The following RAB3B variants were observed in gnomAD, a reference collection of about 807,000 sequenced individuals.
RAB3B encodes the protein ras-related protein Rab-3B.
Under a neutral mutation model 20.5 loss-of-function variants are expected in RAB3B, and 11 were observed. The observed-to-expected ratio is 0.54, with a 90% CI of 0.34 to 0.89. The LOEUF (loss-of-function observed/expected upper bound fraction) is 0.89, where lower values mean the gene tolerates loss of function less well. Ranked by LOEUF, RAB3B falls within the 40% of genes least tolerant of loss-of-function variation. The probability of loss-of-function intolerance (pLI) is 0.02; values close to 1 mark genes in which losing one functional copy is unlikely to be tolerated. For missense variants in RAB3B, 225 were observed against 280.9 expected (o/e 0.80, Z 1.42); for synonymous variants, 99 against 106.3 (o/e 0.93, Z 0.42).
chr1:51,933,450 G>T lies in RAB3B; in HGVS notation c.348-8C>A. The T allele has an allele frequency of 6.2e-7, 1 of 1,606,080 alleles. No homozygotes were observed. The highest frequency in any genetic ancestry group is 8.5e-7 in the Non-Finnish European group (1 of 1,173,946). Reference sequence around the variant, plus strand: ...GTCTTGATCTGAGTAGCCCTAAAATGAGATAGAAAGAGATATGTTAATCAT... The same window carrying T: ...GTCTTGATCTGAGTAGCCCTAAAATTAGATAGAAAGAGATATGTTAATCAT... On this transcript the variant is annotated splice_polypyrimidine_tract_variant and splice_region_variant and intron_variant, in intron 3 of 4. Coordinates refer to ENST00000371655, the MANE Select transcript of RAB3B (RefSeq NM_002867.4).
chr1:51,943,408 ACAACAACAACAACAACAC>A (rs922809751), intron 2 of RAB3B, among the ~76,000 whole-genome samples: 11 of 98,710 alleles, frequency 1.1e-4, no homozygotes, highest in Admixed American at 8.3e-4. Context: ...AACAACAACA[ACAACAACAACAACAACAC>A]CACAATGGCC....
intron 1 of RAB3B, among the ~76,000 whole-genome samples, chr1:51,979,626 A>G (rs1685058203): frequency 6.6e-6 from 1 of 152,118 alleles, no homozygotes; most frequent in Non-Finnish European, 1.5e-5. Flanking sequence ...ACCTCACACC[A>G]TCCTCCGCTC....
At chr1:51,967,129 G>A (rs1240544042) in intron 2 of RAB3B, among the ~76,000 whole-genome samples, 3 of 152,112 alleles carry the variant, frequency 2.0e-5, no homozygotes, top group African/African-American at 7.2e-5. Context: ...CCTGGCCAAC[G>A]TGGTGAAAAC....
chr1:51,928,160 G>A (rs890291503), intron 4 of RAB3B, among the ~76,000 whole-genome samples: 1 of 152,012 alleles, frequency 6.6e-6, no homozygotes, highest in African/African-American at 2.4e-5. Context: ...AGGCTGGAGT[G>A]CAATGGTGCG....
chr1:51,934,221 C>T (rs1684364623), intron 3 of RAB3B, among the ~76,000 whole-genome samples: 1 of 152,120 alleles, frequency 6.6e-6, no homozygotes, highest in Non-Finnish European at 1.5e-5. Context: ...TACTCATTCC[C>T]CAAAAGCTCT....
intron 1 of RAB3B, among the ~76,000 whole-genome samples, chr1:51,986,781 G>C (rs1379789011): frequency 6.6e-6 from 1 of 152,238 alleles, no homozygotes. Context: ...TCAGTTGGAA[G>C]GCTCATTCAG....
chr1:51,958,473 T>C (rs375009993), intron 2 of RAB3B, among the ~76,000 whole-genome samples: 178 of 152,024 alleles, frequency 1.2e-3, no homozygotes, highest in East Asian at 2.1e-3. Context: ...CCTGTAATCC[T>C]AGCACTTTGG....
At chr1:51,976,855 TC>T in intron 2 of RAB3B, 34 bp downstream of exon 2, 4 of 1,590,532 alleles carry the variant, frequency 2.5e-6, no homozygotes, top group Non-Finnish European at 3.5e-6. Flanking sequence ...CAGCCGCTTC[TC>T]AGGAAAATCC....
chr1:51,954,006 T>C (rs990218505), intron 2 of RAB3B, among the ~76,000 whole-genome samples: 2 of 152,076 alleles, frequency 1.3e-5, no homozygotes, highest in Admixed American at 1.3e-4. Context: ...AAGGAAATCA[T>C]CTGAAACCTA....
Position 51,918,974 on chromosome 1 carries a change from T to C in RAB3B, c.*953A>G, listed in dbSNP as rs1218096837. The C allele has an allele frequency of 5.9e-4, 19 of 32,316 alleles. No individual in the cohort carries two copies. Among genetic ancestry groups the C allele is most frequent in the African/African-American group, 1.4e-3 (18 of 12,800 alleles). The allele number at this position is 32,316 out of a possible 1,614,324, so 2.0% of individuals were successfully genotyped here. ...TTGTAGGGGATAATCCTTTTCTCTT[T>C]TTTTTTTTTTTTTTTTTTTTGAGAC... On this transcript the variant is annotated 3_prime_UTR_variant, in exon 5 of 5. Coordinates refer to ENST00000371655, the MANE Select transcript of RAB3B (RefSeq NM_002867.4).
rs1293127985 is a variant in RAB3B, at chr1:51,910,904, C to T, written c.*9023G>A. 6.6e-6 allele frequency: 1 copy of T among 152,200 alleles called. No homozygotes were observed. Among genetic ancestry groups the T allele is most frequent in the Non-Finnish European group, 1.5e-5 (1 of 68,030 alleles). 9.4% of individuals were successfully genotyped at this position (152,200 alleles called of 1,614,324 possible). ...TTTACTTTGCTGTCTATTAGCCTTT[C>T]TGTGACATGATTTTCTACCAAGCAA... On this transcript the variant is annotated 3_prime_UTR_variant, in exon 5 of 5. Transcript: ENST00000371655.
chr1:51,937,488 T>A, intron 2 of RAB3B, 76 bp from the exon 3 acceptor site: 4 of 977,476 alleles, frequency 4.1e-6, no homozygotes, highest in East Asian at 2.7e-5. Flanking sequence ...GACAATTAAC[T>A]AATAACCCAA....
chr1:51,909,585 G>C lies in RAB3B; in HGVS notation c.*10342C>G, dbSNP rs1337361433. ...TCCTCACTCCTGGAGGCTGATTTCT[G>C]GGGGAAGGAGGAAGTGCATGAGGTA... On this transcript the variant is annotated 3_prime_UTR_variant, in exon 5 of 5. Transcript: ENST00000371655. 1 of 152,122 alleles carries C rather than the reference G, an allele frequency of 6.6e-6. No individual in the cohort carries two copies. Among genetic ancestry groups the C allele is most frequent in the African/African-American group, 2.4e-5 (1 of 41,410 alleles). 9.4% of individuals were successfully genotyped at this position (152,122 alleles called of 1,614,324 possible). A position where few individuals can be genotyped will look rare whatever the true frequency, so the allele number is the denominator to read the frequency against.
chr1:51,935,261 A>G (rs1557965419), intron 3 of RAB3B, among the ~76,000 whole-genome samples: 1 of 152,080 alleles, frequency 6.6e-6, no homozygotes, highest in East Asian at 1.9e-4. Context: ...TGATCTTACC[A>G]CCAACCTTCT....
chr1:51,958,156 C>G (rs1215016887), intron 2 of RAB3B, among the ~76,000 whole-genome samples: 1 of 152,126 alleles, frequency 6.6e-6, no homozygotes, highest in Non-Finnish European at 1.5e-5. Flanking sequence ...TAATTGTTGA[C>G]TGAGGTTAGG....
chr1:51,988,113 T>A (rs989264983), intron 1 of RAB3B, among the ~76,000 whole-genome samples: 7 of 152,124 alleles, frequency 4.6e-5, no homozygotes, highest in African/African-American at 1.2e-4. Context: ...CCTACACAGT[T>A]CAAACCCATG....
intron 2 of RAB3B, among the ~76,000 whole-genome samples, chr1:51,958,885 G>T (rs765195315): frequency 1.1e-4 from 17 of 152,366 alleles, no homozygotes; most frequent in Non-Finnish European, 2.2e-4. Flanking sequence ...TGCAAGTGCA[G>T]AGAGAAGAGA....
intron 2 of RAB3B, among the ~76,000 whole-genome samples, chr1:51,975,383 A>C (rs1684994262): frequency 6.6e-6 from 1 of 152,194 alleles, no homozygotes; most frequent in South Asian, 2.1e-4. Context: ...GCAGATACTA[A>C]TAATAATAGT....
chr1:51,967,999 T>C (rs1684879739), intron 2 of RAB3B, among the ~76,000 whole-genome samples: 1 of 152,172 alleles, frequency 6.6e-6, no homozygotes, highest in Admixed American at 6.5e-5. Context: ...CCCATTATAA[T>C]CACAAGTGTT....
Sources: allele counts gnomAD v4.1 joint callset (sites outside exome capture counted in the v4.1 genomes callset), GRCh38; gene constraint gnomAD v4.1.1; transcripts MANE v1.5; gene names NCBI Gene and HGNC (gene_info 2026-07-23, HGNC 2026-07-21).